Variants in BRWD3 observed in about 807,000 individuals in gnomAD.
BRWD3 encodes bromodomain and WD repeat-containing protein 3.
In BRWD3, 10 loss-of-function variants were observed where a neutral mutation model predicts 149.7. The ratio of observed to expected loss-of-function variants is 0.07; its 90% confidence interval spans 0.04 to 0.11. BRWD3 has a LOEUF of 0.11. Ranked by LOEUF, BRWD3 falls within the 10% of genes least tolerant of loss-of-function variation. The pLI, the probability that BRWD3 is intolerant of heterozygous loss-of-function variation, is 1.00. For missense variants in BRWD3, 940 were observed against 1,373.2 expected, an observed-to-expected ratio of 0.68 and a Z score of 4.99; for synonymous variants, 504 against 456.7, an observed-to-expected ratio of 1.10 and a Z score of -1.32.
chrX:80,751,448 G>A (rs1201477741), intron 6 of BRWD3, among the ~76,000 whole-genome samples: 1 of 111,130 alleles, frequency 9.0e-6, no homozygotes, highest in Non-Finnish European at 1.9e-5. Flanking sequence ...GAAAGAGAGG[G>A]GAAAATAAAT....
At chrX:80,803,292 T>A (rs1023681513) in intron 4 of BRWD3, among the ~76,000 whole-genome samples, 4 of 111,330 alleles carry the variant, frequency 3.6e-5, no homozygotes, top group African/African-American at 1.3e-4. Context: ...AATATTCAAA[T>A]GTGACAAAGA....
chrX:80,709,414 A>G lies in BRWD3; in HGVS notation c.2475+14T>C. 1 of 1,193,465 alleles carries G rather than the reference A, an allele frequency of 8.4e-7. No individual in the cohort carries two copies. Among genetic ancestry groups the G allele is most frequent in the South Asian group, 1.8e-5 (1 of 54,419 alleles). On this transcript the variant is annotated intron_variant, in intron 21 of 40. Coordinates refer to ENST00000373275, the MANE Select transcript of BRWD3 (RefSeq NM_153252.5). ...CAAAAAACTACATCAAATAAATAAT[A>G]GTATATATATAACCTCTGAAGAACT...
At position 80,709,586 on chromosome X, in the gene BRWD3, GAGA is replaced by G. The variant is rs2072926924; in HGVS notation, c.2326-12_2326-10del. 2 of 1,203,448 alleles carry G rather than the reference GAGA, an allele frequency of 1.7e-6. No homozygotes were observed. Among genetic ancestry groups the G allele is most frequent in the Non-Finnish European group, 1.1e-6 (1 of 890,675 alleles). ...CTAGGCTCATAATCATTCTGTAAAA[GAGA>G]AGAATAATAAATTTTAAAAAAGGAA... On this transcript the variant is annotated splice_polypyrimidine_tract_variant and intron_variant, in intron 20 of 40. Transcript: ENST00000373275.
intron 34 of BRWD3, among the ~76,000 whole-genome samples, 162 bp downstream of exon 34, chrX:80,687,907 C>T (rs994145484): frequency 9.0e-6 from 1 of 110,508 alleles, no homozygotes; most frequent in African/African-American, 3.3e-5. Context: ...CAACTGGGTA[C>T]CCTTACTGCA....
intron 21 of BRWD3, among the ~76,000 whole-genome samples, chrX:80,709,183 A>G (rs940246933): frequency 9.0e-6 from 1 of 111,180 alleles, no homozygotes; most frequent in South Asian, 3.8e-4. Flanking sequence ...CACTGTCTCA[A>G]CGTCAAACTC....
At chrX:80,711,083 T>C (rs190150621) in intron 20 of BRWD3, among the ~76,000 whole-genome samples, 24 of 112,107 alleles carry the variant, frequency 2.1e-4, no homozygotes, top group Admixed American at 2.0e-3. Context: ...AGAATTATTA[T>C]AGGATGAAGC....
chrX:80,788,627 C>T (rs1185699192), intron 6 of BRWD3, among the ~76,000 whole-genome samples: 1 of 111,699 alleles, frequency 9.0e-6, no homozygotes, highest in Non-Finnish European at 1.9e-5. Context: ...AACTGTACTA[C>T]CTATTTACCC....
chrX:80,808,078 C>A (rs1233581489), intron 4 of BRWD3, among the ~76,000 whole-genome samples: 40 of 90,702 alleles, frequency 4.4e-4, no homozygotes, highest in Non-Finnish European at 7.8e-4. Context: ...CCGCCCCCCC[C>A]AAAAAAGACC....
intron 6 of BRWD3, among the ~76,000 whole-genome samples, chrX:80,774,843 TA>T (rs2073984059): frequency 8.9e-6 from 1 of 111,784 alleles, no homozygotes; most frequent in African/African-American, 3.3e-5. Flanking sequence ...TTTCTGTCTA[TA>T]TCTATAGTAA....
intron 21 of BRWD3, among the ~76,000 whole-genome samples, chrX:80,709,126 T>C (rs983034871): frequency 9.0e-6 from 1 of 111,353 alleles, no homozygotes; most frequent in Admixed American, 9.6e-5. Flanking sequence ...GCTCTTTATA[T>C]TTCGCTCCTT....
At position 80,715,212 on chromosome X, in the gene BRWD3, T is replaced by TAA. The variant is rs11390755; in HGVS notation, c.2325+943_2325+944dup. On this transcript the variant is annotated intron_variant, in intron 20 of 40. Coordinates refer to ENST00000373275, the MANE Select transcript of BRWD3 (RefSeq NM_153252.5). ...GTGTTCTGAGTCATTCAAAATCTCT[T>TAA]AAAAAAAAAAAAACTTACCAGAGAA... Among the ~76,000 whole-genome samples, 29 of 98,418 alleles carry TAA rather than the reference T, an allele frequency of 2.9e-4. 1 individual carries two copies. Among genetic ancestry groups the TAA allele is most frequent in the African/African-American group, 9.5e-4 (26 of 27,416 alleles). The allele number at this position is 98,418 out of a possible 115,157, so 85.5% of individuals were successfully genotyped here.
chrX:80,804,571 A>C (rs1229295362), intron 4 of BRWD3, among the ~76,000 whole-genome samples: 1 of 111,938 alleles, frequency 8.9e-6, no homozygotes, highest in African/African-American at 3.2e-5. Context: ...ACTCCTAAAA[A>C]TGATTTAAAA....
intron 6 of BRWD3, among the ~76,000 whole-genome samples, chrX:80,781,787 G>A (rs1269783663): frequency 9.1e-6 from 1 of 109,500 alleles, no homozygotes; most frequent in Admixed American, 9.8e-5. Flanking sequence ...AAAATACCTA[G>A]GAATAAACCT....
In BRWD3 at chrX:80,676,577, A is replaced by C; in HGVS notation, c.*32T>G. The C allele has an allele frequency of 8.3e-7, 1 of 1,205,413 alleles. No individual in the cohort carries two copies. The highest frequency in any genetic ancestry group is 1.1e-6 in the Non-Finnish European group (1 of 891,446). On this transcript the variant is annotated 3_prime_UTR_variant, in exon 41 of 41. Coordinates refer to ENST00000373275, the MANE Select transcript of BRWD3 (RefSeq NM_153252.5). ...AATTCCCTGCAGTAGAAGGCCATTG[A>C]ATTTTTTAAGTTATTCTAAATTTAT...
intron 10 of BRWD3, among the ~76,000 whole-genome samples, chrX:80,734,612 A>G (rs2073377447): frequency 9.0e-6 from 1 of 111,036 alleles, no homozygotes; most frequent in Admixed American, 9.6e-5. Context: ...TTAGAGATGG[A>G]TGGTGTGACA....
intron 14 of BRWD3, among the ~76,000 whole-genome samples, chrX:80,726,322 TATAAC>T (rs2073245845): frequency 9.8e-6 from 1 of 101,906 alleles, no homozygotes; most frequent in South Asian, 5.3e-4. Context: ...CTGTATAACA[TATAAC>T]ATGTTTACAT....
At chrX:80,769,521 A>C (rs998511068) in intron 6 of BRWD3, among the ~76,000 whole-genome samples, 3 of 111,814 alleles carry the variant, frequency 2.7e-5, no homozygotes, top group Admixed American at 1.9e-4. Flanking sequence ...GAAGGCAGAA[A>C]AAAAGATGAT....
intron 6 of BRWD3, among the ~76,000 whole-genome samples, chrX:80,753,282 T>C (rs1313712364): frequency 1.8e-5 from 2 of 108,782 alleles, no homozygotes; most frequent in East Asian, 5.7e-4. Flanking sequence ...GTTTTTTTTT[T>C]TTTTTTTAGA....
At chrX:80,698,457 C>A (rs1170604155) in intron 25 of BRWD3, among the ~76,000 whole-genome samples, 1 of 111,249 alleles carries the variant, frequency 9.0e-6, no homozygotes. Context: ...TCCTGTAATC[C>A]CAGCACTTTT....
Sources: gnomAD v4.1 joint callset for allele counts (sites outside exome capture counted in the v4.1 genomes callset) on GRCh38, gnomAD v4.1.1 for gene constraint, MANE v1.5 for transcripts, NCBI Gene and HGNC (gene_info 2026-07-23, HGNC 2026-07-21) for gene names.